The following SOX5 variants were observed in gnomAD, a reference collection of about 807,000 sequenced individuals.
The protein encoded by SOX5 is SRY-box transcription factor 5.
A neutral mutation model predicts 92.0 loss-of-function variants in SOX5; 9 were observed. The observed-to-expected ratio is 0.10, with a 90% CI of 0.06 to 0.17. SOX5 has a LOEUF of 0.17. Among genes scored for constraint, SOX5 ranks in the 10% least tolerant of loss-of-function variants. The pLI is 1.00. For missense variants in SOX5, 642 were observed against 944.5 expected (o/e 0.68, Z 4.20); for synonymous variants, 344 against 336.3 (o/e 1.02, Z -0.25).
At chr12:24,383,444 C>G (rs928217341) in intron 1 of SOX5, among the ~76,000 whole-genome samples, 2 of 152,226 alleles carry the variant, frequency 1.3e-5, no homozygotes, top group African/African-American at 4.8e-5. Context: ...CAACTAACTA[C>G]AGTCAACCAC....
intron 1 of SOX5, among the ~76,000 whole-genome samples, chr12:24,480,781 A>C (rs902388265): frequency 6.6e-6 from 1 of 152,186 alleles, no homozygotes; most frequent in Non-Finnish European, 1.5e-5. Flanking sequence ...ATTTGGAGTA[A>C]AGGGAAACTT....
chr12:24,341,980 C>T (rs1418788344), intron 2 of SOX5, among the ~76,000 whole-genome samples: 1 of 152,176 alleles, frequency 6.6e-6, no homozygotes, highest in African/African-American at 2.4e-5. Flanking sequence ...AGTATTAAAT[C>T]CCCTCCATAA....
intron 4 of SOX5, among the ~76,000 whole-genome samples, chr12:24,035,344 A>G (rs1955918859): frequency 6.6e-6 from 1 of 152,146 alleles, no homozygotes; most frequent in Non-Finnish European, 1.5e-5. Context: ...TTCTCTATAT[A>G]CACACAGTAG....
intron 1 of SOX5, among the ~76,000 whole-genome samples, chr12:24,389,719 T>C (rs556475884): frequency 6.6e-6 from 1 of 152,338 alleles, no homozygotes; most frequent in South Asian, 2.1e-4. Flanking sequence ...CATGTTTTCA[T>C]TTTGCTTGGG....
intron 12 of SOX5, among the ~76,000 whole-genome samples, chr12:23,545,002 G>A (rs1942834331): frequency 6.6e-6 from 1 of 152,172 alleles, no homozygotes; most frequent in South Asian, 2.1e-4. Flanking sequence ...TTAGCTAAGT[G>A]GAGCTGAAAA....
At chr12:24,105,540 TAATCAATC>T (rs557447387) in intron 4 of SOX5, among the ~76,000 whole-genome samples, 7 of 152,156 alleles carry the variant, frequency 4.6e-5, no homozygotes, top group Admixed American at 2.6e-4. Flanking sequence ...GACTCTGTCT[TAATCAATC>T]AATCAATCAA....
chr12:23,679,051 A>C (rs2086152999), intron 6 of SOX5, among the ~76,000 whole-genome samples: 1 of 152,200 alleles, frequency 6.6e-6, no homozygotes, highest in African/African-American at 2.4e-5. Flanking sequence ...ATTAAACATT[A>C]GATATCCTAG....
intron 2 of SOX5, among the ~76,000 whole-genome samples, chr12:24,316,082 G>C (rs760581044): frequency 4.6e-5 from 7 of 152,202 alleles, no homozygotes; most frequent in Non-Finnish European, 7.3e-5. Flanking sequence ...ACAGTCACCT[G>C]TGTCACTTGT....
At position 23,979,966 on chromosome 12, in the gene SOX5, T is replaced by C. The variant is rs796765986; in HGVS notation, c.-1-83942A>G. Among the ~76,000 whole-genome samples, 119 of 62,280 alleles carry C rather than the reference T, an allele frequency of 1.9e-3. 2 individuals carry two copies. The highest frequency in any genetic ancestry group is 0.011 in the East Asian group (11 of 990). 40.9% of individuals were successfully genotyped at this position (62,280 alleles called of 152,430 possible). ...ATAGATAGATAGACAGACAGACAGATAGATAGACAGATAGATAGATAGATA... is the reference window on the plus strand; with the variant it reads ...ATAGATAGATAGACAGACAGACAGACAGATAGACAGATAGATAGATAGATA... On this transcript the variant is annotated intron_variant, in intron 4 of 4. Coordinates refer to the SOX5 transcript ENST00000446891.
At chr12:23,881,721 A>G (rs539928233) in intron 2 of SOX5, among the ~76,000 whole-genome samples, 45 of 152,356 alleles carry the variant, frequency 3.0e-4, no homozygotes, top group African/African-American at 1.0e-3. Context: ...GCATAAATCT[A>G]GTAATAAAAC....
chr12:24,425,180 C>T lies in SOX5; in HGVS notation c.-250-56541G>A, dbSNP rs1278905219. 2.0e-5 allele frequency among the ~76,000 whole-genome samples: 3 copies of T among 152,202 alleles called. No homozygotes were observed. In the East Asian group the frequency reaches 5.8e-4, roughly 29 times the overall value. On this transcript the variant is annotated intron_variant, in intron 1 of 4. Coordinates refer to the SOX5 transcript ENST00000446891. The stretch of plus-strand genomic sequence containing the variant: ...GCTGTGGTTTGGAATCTGGGGCTAA[C>T]ACTCCTTAACTGTGGCCCTAGGGAC...
chr12:23,600,693 T>C lies in SOX5; in HGVS notation c.1164+3694A>G, dbSNP rs183176525. On this transcript the variant is annotated intron_variant, in intron 9 of 14. Transcript: ENST00000451604. ...GTAACTCAACAAGCAACAATATGCATGTTCTTGAATGCAGATTTTGAACAG... is the reference window on the plus strand; with the variant it reads ...GTAACTCAACAAGCAACAATATGCACGTTCTTGAATGCAGATTTTGAACAG... Among the ~76,000 whole-genome samples the C allele has an allele frequency of 5.8e-3, 887 of 151,890 alleles. 10 individuals carry two copies. The highest frequency in any genetic ancestry group is 0.019 in the African/African-American group (808 of 41,438).
chr12:24,084,741 T>C (rs913639326), intron 4 of SOX5, among the ~76,000 whole-genome samples: 2 of 152,078 alleles, frequency 1.3e-5, no homozygotes, highest in African/African-American at 4.8e-5. Context: ...CATTTTATTC[T>C]AGAACTCCAG....
At chr12:24,195,888 C>G (rs1217544009) in intron 4 of SOX5, among the ~76,000 whole-genome samples, 2 of 151,930 alleles carry the variant, frequency 1.3e-5, no homozygotes, top group Non-Finnish European at 2.9e-5. Flanking sequence ...GTGTGTGTGT[C>G]TGTGTGTGTG....
intron 4 of SOX5, among the ~76,000 whole-genome samples, chr12:24,025,882 G>A (rs901162518): frequency 1.3e-5 from 2 of 152,006 alleles, no homozygotes; most frequent in African/African-American, 4.8e-5. Context: ...AAGATTAGTT[G>A]GAAAAGAATA....
intron 2 of SOX5, among the ~76,000 whole-genome samples, chr12:23,858,694 A>G (rs2096721499): frequency 6.6e-6 from 1 of 152,164 alleles, no homozygotes; most frequent in Non-Finnish European, 1.5e-5. Context: ...CCTATTACTG[A>G]GTATATACCC....
intron 4 of SOX5, among the ~76,000 whole-genome samples, chr12:24,153,366 A>G (rs1337820885): frequency 6.6e-6 from 1 of 152,158 alleles, no homozygotes; most frequent in Non-Finnish European, 1.5e-5. Flanking sequence ...GCACACTTAC[A>G]GGAGGCTTGT....
chr12:23,645,836 C>A (rs191976152), intron 7 of SOX5, among the ~76,000 whole-genome samples: 2 of 152,170 alleles, frequency 1.3e-5, no homozygotes, highest in East Asian at 3.9e-4. Flanking sequence ...TATATATACA[C>A]AGGAATACCT....
At chr12:24,142,828 C>T (rs1404556356) in intron 4 of SOX5, among the ~76,000 whole-genome samples, 1 of 150,374 alleles carries the variant, frequency 6.7e-6, no homozygotes, top group Non-Finnish European at 1.5e-5. Flanking sequence ...AAGACAGAGG[C>T]AGCTAGAGTT....
Sources: gnomAD v4.1 joint callset for allele counts (sites outside exome capture counted in the v4.1 genomes callset) on GRCh38, gnomAD v4.1.1 for gene constraint, MANE v1.5 for transcripts, NCBI Gene and HGNC (gene_info 2026-07-23, HGNC 2026-07-21) for gene names.